Variants in IFIT3 observed in about 807,000 individuals in gnomAD.
IFIT3 encodes the protein interferon-induced protein with tetratricopeptide repeats 3.
Under a neutral mutation model 2.4 loss-of-function variants are expected in IFIT3, and 2 were observed. That is an observed-to-expected ratio of 0.82 (90% confidence interval 0.34 to 2.60). The LOEUF (loss-of-function observed/expected upper bound fraction) is 2.60, where lower values mean the gene tolerates loss of function less well. IFIT3 is among the 30% of genes most tolerant of loss of function. The pLI is 0.11. For missense variants in IFIT3, 481 were observed against 562.4 expected, an observed-to-expected ratio of 0.86 and a Z score of 1.46; for synonymous variants, 203 against 212.1, an observed-to-expected ratio of 0.96 and a Z score of 0.37.
chr10:89,336,897 A>T (rs974357584), intron 1 of IFIT3, among the ~76,000 whole-genome samples: 1 of 152,254 alleles, frequency 6.6e-6, no homozygotes, highest in African/African-American at 2.4e-5. Context: ...AGGGACATAC[A>T]GCCCAAGCCC....
chr10:89,336,522 C>T (rs936053328), intron 1 of IFIT3, among the ~76,000 whole-genome samples: 8 of 152,280 alleles, frequency 5.3e-5, no homozygotes, highest in East Asian at 1.9e-4. Context: ...GATCAGTACA[C>T]TTGCAGTAGC....
intron 1 of IFIT3, among the ~76,000 whole-genome samples, chr10:89,334,677 C>T (rs1477666485): frequency 6.7e-6 from 1 of 150,330 alleles, no homozygotes; most frequent in Non-Finnish European, 1.5e-5. Context: ...GTTTTTAGTA[C>T]AGGCGGGGTT....
intron 1 of IFIT3, among the ~76,000 whole-genome samples, chr10:89,331,986 A>G (rs1220133579): frequency 1.3e-5 from 2 of 151,964 alleles, no homozygotes; most frequent in Non-Finnish European, 2.9e-5. Flanking sequence ...TAATCCCAGC[A>G]CTTTGGGAGG....
intron 1 of IFIT3, among the ~76,000 whole-genome samples, chr10:89,328,829 G>A (rs772860078): frequency 5.9e-5 from 9 of 152,178 alleles, no homozygotes; most frequent in Non-Finnish European, 1.3e-4. Context: ...AAGCAGATCA[G>A]TGGTTGCCTG....
At position 89,328,023 on chromosome 10, in the gene IFIT3, A is replaced by C. The variant is rs1218441106; in HGVS notation, c.-51A>C. 1.9e-6 allele frequency: 3 copies of C among 1,612,134 alleles called. No homozygotes were observed. The African/African-American group carries it at 4.0e-5, about 22-fold the overall frequency. ...CAGACAGGAAGACTTCTGAAGAACA[A>C]ATCAGCCTGGTCACCAGCTTTTCGG... On this transcript the variant is annotated 5_prime_UTR_variant, in exon 1 of 2. Coordinates refer to ENST00000371818, the MANE Select transcript of IFIT3 (RefSeq NM_001549.6).
intron 1 of IFIT3, among the ~76,000 whole-genome samples, chr10:89,336,940 A>G (rs981980675): frequency 6.6e-6 from 1 of 152,250 alleles, no homozygotes; most frequent in African/African-American, 2.4e-5. Context: ...ACACACTTAG[A>G]GAACTCTTGC....
At position 89,338,793 on chromosome 10, in the gene IFIT3, C is replaced by T. The variant is rs570458698; in HGVS notation, c.138C>T (p.Asn46=). Residue 46 remains asparagine (N), a synonymous_variant, in exon 2 of 2, where the codon AAC becomes AAT. Coordinates refer to ENST00000371818, the MANE Select transcript of IFIT3 (RefSeq NM_001549.6). ...DRVCNQIEFL[N]TEFKATMYNL... ...TGTGTAACCAGATTGAATTTTTAAA[C>T]ACTGAGTTCAAAGCTACAATGTACA... The T allele has an allele frequency of 6.8e-6, 11 of 1,614,090 alleles. No individual in the cohort carries two copies. The East Asian group carries it at 1.6e-4, about 23-fold the overall frequency.
In IFIT3 at chr10:89,340,158, C is replaced by T. The variant is rs1412332816; in HGVS notation, c.*30C>T. ...GAGGAGGAAAACAGAGCATCAGAAG[C>T]CTGCAGTGGTGGTTGTGACGGGTAG... On this transcript the variant is annotated 3_prime_UTR_variant, in exon 2 of 2. Coordinates refer to ENST00000371818, the MANE Select transcript of IFIT3 (RefSeq NM_001549.6). 1.9e-6 allele frequency: 3 copies of T among 1,541,172 alleles called. No individual in the cohort carries two copies. The highest frequency in any genetic ancestry group is 2.1e-5 in the Admixed American group (1 of 48,612).
Position 89,339,694 on chromosome 10 carries a change from C to G in IFIT3, c.1039C>G (p.Pro347Ala). The change falls in exon 2 of 2, where the codon CCA (proline) becomes GCA (alanine). Residue 347 changes from proline to alanine, a missense_variant. Transcript: ENST00000371818. ...EFLETECYQT[P>A]FNKEVPDAEK... ...CCTGGAGACGGAATGTTATCAGACA[C>G]CATTCAATAAGGAAGTCCCTGATGC... is the stretch of plus-strand genomic sequence containing the variant. The G allele has an allele frequency of 6.2e-7, 1 of 1,614,086 alleles. No individual in the cohort carries two copies. The highest frequency in any genetic ancestry group is 8.5e-7 in the Non-Finnish European group (1 of 1,179,938).
chr10:89,328,443 G>T (rs968818520), intron 1 of IFIT3, among the ~76,000 whole-genome samples: 3 of 152,192 alleles, frequency 2.0e-5, no homozygotes, highest in African/African-American at 7.2e-5. Context: ...GTAGACCTAA[G>T]GGAATTACTC....
In IFIT3 at chr10:89,339,720, T is replaced by C; in HGVS notation, c.1065T>C (p.Ala355=). 4 of 1,614,212 alleles carry C rather than the reference T, an allele frequency of 2.5e-6. No individual in the cohort carries two copies. Among genetic ancestry groups the C allele is most frequent in the Non-Finnish European group, 3.4e-6 (4 of 1,180,034 alleles). The part of the protein sequence containing the change: ...QTPFNKEVPD[A]EKQQSHQRYC... ...CATTCAATAAGGAAGTCCCTGATGC[T>C]GAAAAGCAACAATCCCATCAGCGCT... The change falls in exon 2 of 2, where the codon GCT becomes GCC. Residue 355 remains alanine, a synonymous_variant. Transcript: ENST00000371818.
At position 89,338,737 on chromosome 10, in the gene IFIT3, G is replaced by A; in HGVS notation, c.82G>A (p.Asp28Asn). The change falls in exon 2 of 2, where the codon GAC becomes AAC. Residue 28 changes from aspartate (D) to asparagine (N), a missense_variant. Physicochemically the swap from Asp to Asn is conservative, Grantham distance 23. Coordinates refer to ENST00000371818, the MANE Select transcript of IFIT3 (RefSeq NM_001549.6). ...CHFTWNLFKE[D>N]SVSRDLEDRV... ...TTTCACCTGGAACTTATTCAAGGAA[G>A]ACAGTGTCTCAAGGGATCTAGAAGA... 6.2e-7 allele frequency: 1 copy of A among 1,614,020 alleles called. No homozygotes were observed. The highest frequency in any genetic ancestry group is 1.1e-5 in the South Asian group (1 of 91,078).
In IFIT3 at chr10:89,340,770, C is replaced by T. The variant is rs1268846981; in HGVS notation, c.*642C>T. The T allele has an allele frequency of 1.3e-5, 2 of 152,090 alleles. No individual in the cohort carries two copies. The highest frequency in any genetic ancestry group is 2.9e-5 in the Non-Finnish European group (2 of 68,016). 9.4% of individuals were successfully genotyped at this position (152,090 alleles called of 1,614,324 possible). ...AGGGTCATAAATGGTGACTGCCTAA[C>T]AACAAAATTTGCAGTCTCATCTCAT... On this transcript the variant is annotated 3_prime_UTR_variant, in exon 2 of 2. Coordinates refer to ENST00000371818, the MANE Select transcript of IFIT3 (RefSeq NM_001549.6).
At chr10:89,335,963 AC>A (rs1843732281) in intron 1 of IFIT3, among the ~76,000 whole-genome samples, 1 of 152,186 alleles carries the variant, frequency 6.6e-6, no homozygotes. Context: ...TAGTTAGAAT[AC>A]CCAGGTAAAG....
At chr10:89,335,616 A>T (rs1294381699) in intron 1 of IFIT3, 1 of 151,862 alleles carries the variant, frequency 6.6e-6, no homozygotes, top group Non-Finnish European at 1.5e-5. Context: ...GTTGAGGCAA[A>T]TACATCCAAC....
chr10:89,337,440 C>CA (rs1464375414), intron 1 of IFIT3, among the ~76,000 whole-genome samples: 1 of 152,116 alleles, frequency 6.6e-6, no homozygotes, highest in Non-Finnish European at 1.5e-5. Context: ...CACTCTATCA[C>CA]CCTGGCTGGA....
rs750575630 is a variant in IFIT3 at position 89,339,909 on chromosome 10, G to C, written c.1254G>C (p.Trp418Cys). ...TTCCACAAAATGCACCAAATTATTG[G>C]TATCTTCAAGGATTAATTCATAAGC... ...NLLPQNAPNY[W>C]YLQGLIHKQN... The change falls in exon 2 of 2, where the codon TGG (tryptophan) becomes TGC (cysteine). Residue 418 changes from tryptophan (W) to cysteine (C), a missense_variant. Transcript: ENST00000371818. 1 of 1,614,130 alleles carries C rather than the reference G, an allele frequency of 6.2e-7. No individual in the cohort carries two copies. The highest frequency in any genetic ancestry group is 1.7e-5 in the Admixed American group (1 of 60,014).
At position 89,338,650 on chromosome 10, in the gene IFIT3, T is replaced by G. The variant is rs1304441393; in HGVS notation, c.6-11T>G. On this transcript the variant is annotated splice_polypyrimidine_tract_variant and intron_variant, in intron 1 of 1. Transcript: ENST00000371818. ...TGTACATCACAGTGACCATGTTTAT[T>G]TTCTCCACAGTGAGGTCACCAAGAA... 6.2e-7 allele frequency: 1 copy of G among 1,603,310 alleles called. No homozygotes were observed. Among genetic ancestry groups the G allele is most frequent in the Non-Finnish European group, 8.5e-7 (1 of 1,173,904 alleles).
At chr10:89,334,420 T>C (rs975697625) in intron 1 of IFIT3, among the ~76,000 whole-genome samples, 1 of 150,826 alleles carries the variant, frequency 6.6e-6, no homozygotes, top group African/African-American at 2.4e-5. Context: ...ACTGGCATTC[T>C]ACTCCCCAAG....
Sources: gnomAD v4.1 joint callset for allele counts (sites outside exome capture counted in the v4.1 genomes callset) on GRCh38, gnomAD v4.1.1 for gene constraint, MANE v1.5 for transcripts, NCBI Gene and HGNC (gene_info 2026-07-23, HGNC 2026-07-21) for gene names.